Variants in THSD4 observed in about 807,000 individuals in gnomAD.
THSD4 encodes the protein thrombospondin type 1 domain containing 4, also known as thrombospondin type-1 domain-containing protein 4.
In THSD4, 69 loss-of-function variants were observed where a neutral mutation model predicts 119.0. That is an observed-to-expected ratio of 0.58 (90% CI 0.48 to 0.71). The LOEUF (loss-of-function observed/expected upper bound fraction) is 0.71. Ranked by LOEUF, THSD4 falls within the 30% of genes least tolerant of loss-of-function variation. THSD4 has a pLI of 0.00. For missense variants in THSD4, 1,393 were observed against 1,391.1 expected (o/e 1.00, Z -0.02); for synonymous variants, 524 against 540.4 (o/e 0.97, Z 0.42).
Position 71,213,131 on chromosome 15 carries a change from C to T in THSD4, c.100-1904C>T, listed in dbSNP as rs2043901235. Among the ~76,000 whole-genome samples the T allele has an allele frequency of 2.0e-5, 3 of 152,232 alleles. No individual in the cohort carries two copies. In the South Asian group the frequency reaches 6.2e-4, roughly 31 times the overall value. On this transcript the variant is annotated intron_variant, in intron 3 of 17. Transcript: ENST00000261862. ...AAATCTGTGTCACTAGGGCCACGCT[C>T]CTTCCAAAGTTACTAAGGGGAGAAT...
intron 4 of THSD4, among the ~76,000 whole-genome samples, chr15:71,232,902 TGA>T (rs2044072661): frequency 1.3e-5 from 2 of 152,156 alleles, no homozygotes; most frequent in Admixed American, 1.3e-4. Context: ...CAGAAGTGTG[TGA>T]GATTCCTTAC....
chr15:71,748,644 C>T (rs1424830393), intron 14 of THSD4, 50 bp downstream of exon 14: 3 of 1,596,458 alleles, frequency 1.9e-6, no homozygotes, highest in East Asian at 4.5e-5. Context: ...TGCCAGGTGC[C>T]TCCAAAACCA....
At chr15:71,257,591 G>A (rs2044334570) in intron 6 of THSD4, among the ~76,000 whole-genome samples, 1 of 152,152 alleles carries the variant, frequency 6.6e-6, no homozygotes, top group South Asian at 2.1e-4. Flanking sequence ...TGGAGAAATT[G>A]CCTTGGAAGA....
At chr15:71,156,066 TG>T (rs2040774189) in intron 3 of THSD4, among the ~76,000 whole-genome samples, 1 of 152,192 alleles carries the variant, frequency 6.6e-6, no homozygotes, top group African/African-American at 2.4e-5. Flanking sequence ...GCTCTGCAAC[TG>T]AGCAGATCCT....
intron 7 of THSD4, among the ~76,000 whole-genome samples, chr15:71,604,828 C>CA (rs138151805): frequency 0.37 from 54,077 of 145,874 alleles, 9,737 homozygotes; most frequent in Admixed American, 0.39. Context: ...AAAACAAAAA[C>CA]AAAAAAAAAA....
chr15:71,725,811 C>CTT lies in THSD4; in HGVS notation c.1358-2729_1358-2728dup, dbSNP rs540964609. On this transcript the variant is annotated intron_variant, in intron 8 of 17. Coordinates refer to ENST00000261862, the MANE Select transcript of THSD4 (RefSeq NM_024817.3). ...GACATTATATGGACCACTTTTTTTCCTTTTTTTTTTCTGAGACTGGAGTGC... is the reference window on the plus strand; with the variant it reads ...GACATTATATGGACCACTTTTTTTCCTTTTTTTTTTTTCTGAGACTGGAGTGC... Among the ~76,000 whole-genome samples, 501 of 149,382 alleles carry CTT rather than the reference C, an allele frequency of 3.4e-3. 8 individuals are homozygous for CTT. Among genetic ancestry groups the CTT allele is most frequent in the African/African-American group, 0.012 (479 of 40,690 alleles).
intron 6 of THSD4, among the ~76,000 whole-genome samples, chr15:71,379,447 C>CTTTTTTT (rs1356266423): frequency 8.9e-6 from 1 of 112,880 alleles, no homozygotes; most frequent in African/African-American, 3.2e-5. Flanking sequence ...AAGCAAATGG[C>CTTTTTTT]TTCTTTTTTT....
intron 3 of THSD4, among the ~76,000 whole-genome samples, chr15:71,199,817 GCAC>G (rs1316690615): frequency 1.9e-4 from 28 of 145,222 alleles, no homozygotes; most frequent in African/African-American, 7.7e-4. Flanking sequence ...TGTGTGTGAT[GCAC>G]GTGTGGGGTG....
At chr15:71,629,316 T>C (rs1381916783) in intron 7 of THSD4, among the ~76,000 whole-genome samples, 1 of 152,156 alleles carries the variant, frequency 6.6e-6, no homozygotes, top group Non-Finnish European at 1.5e-5. Flanking sequence ...TGCAACAAAC[T>C]GGGCCTCATC....
chr15:71,318,883 G>A (rs775648171), intron 6 of THSD4, among the ~76,000 whole-genome samples: 2 of 152,170 alleles, frequency 1.3e-5, no homozygotes, highest in African/African-American at 4.8e-5. Context: ...AGCTGAGAGC[G>A]GGAGCCCTGG....
At chr15:71,235,944 G>T (rs748642367) in intron 4 of THSD4, among the ~76,000 whole-genome samples, 2 of 152,166 alleles carry the variant, frequency 1.3e-5, no homozygotes, top group Non-Finnish European at 1.5e-5. Context: ...GTTAAGCAGT[G>T]CAAGGAGACT....
chr15:71,406,062 A>G (rs1166887448), intron 6 of THSD4, among the ~76,000 whole-genome samples: 1 of 151,724 alleles, frequency 6.6e-6, no homozygotes, highest in African/African-American at 2.4e-5. Context: ...TACAGGTTAC[A>G]CGCATGAGCA....
intron 16 of THSD4, 112 bp downstream of exon 16, chr15:71,765,311 C>T: frequency 1.6e-6 from 2 of 1,288,488 alleles, no homozygotes; most frequent in Non-Finnish European, 2.1e-6. Context: ...AGATTCCCTA[C>T]AGCAATCTAC....
intron 8 of THSD4, among the ~76,000 whole-genome samples, chr15:71,724,573 C>G (rs2141119900): frequency 2.2e-5 from 1 of 44,544 alleles, no homozygotes; most frequent in East Asian, 1.1e-3. Flanking sequence ...GCGTGAGGCA[C>G]TACGCCCAGT....
intron 6 of THSD4, among the ~76,000 whole-genome samples, chr15:71,402,762 G>C (rs1420929408): frequency 6.6e-6 from 1 of 152,150 alleles, no homozygotes; most frequent in Non-Finnish European, 1.5e-5. Context: ...CTAACTGCTG[G>C]GGGGTGTGAC....
chr15:71,162,846 C>T (rs2043259557), intron 3 of THSD4, among the ~76,000 whole-genome samples: 1 of 151,738 alleles, frequency 6.6e-6, no homozygotes, highest in Non-Finnish European at 1.5e-5. Context: ...TTCCTTCTGA[C>T]TGGGTTATTT....
intron 7 of THSD4, among the ~76,000 whole-genome samples, chr15:71,597,720 A>G (rs1180836386): frequency 6.6e-6 from 1 of 152,160 alleles, no homozygotes; most frequent in Non-Finnish European, 1.5e-5. Context: ...CGAATTTTTA[A>G]CAAGCTCGAC....
At chr15:71,292,849 T>C (rs1022503241) in intron 6 of THSD4, among the ~76,000 whole-genome samples, 2 of 152,064 alleles carry the variant, frequency 1.3e-5, no homozygotes, top group Non-Finnish European at 2.9e-5. Context: ...GCTGATTTTT[T>C]GTATTTTTAG....
intron 7 of THSD4, among the ~76,000 whole-genome samples, chr15:71,564,897 C>G (rs570492418): frequency 6.6e-6 from 1 of 150,844 alleles, no homozygotes; most frequent in East Asian, 1.9e-4. Context: ...AGGTTCTAGT[C>G]AAATACATGA....
Sources: allele counts gnomAD v4.1 joint callset (sites outside exome capture counted in the v4.1 genomes callset), GRCh38; gene constraint gnomAD v4.1.1; transcripts MANE v1.5; gene names NCBI Gene and HGNC (gene_info 2026-07-23, HGNC 2026-07-21).